The following KMT2C variants were observed in gnomAD, a reference collection of about 807,000 sequenced individuals.
KMT2C encodes the protein lysine methyltransferase 2C.
In KMT2C, 88 loss-of-function variants were observed where a neutral mutation model predicts 507.9. The observed-to-expected ratio is 0.17, with a 90% CI of 0.15 to 0.21. The LOEUF is 0.21. KMT2C is among the 10% of genes least tolerant of loss of function. The pLI is 1.00. For synonymous variants in KMT2C, 2,049 were observed against 2,080.8 expected, an observed-to-expected ratio of 0.98 and a Z score of 0.42; for missense variants, 4,954 against 5,957.8, an observed-to-expected ratio of 0.83 and a Z score of 5.55.
rs774186435 is a variant in KMT2C, at chr7:152,138,865, T to G, written c.14574A>C (p.Glu4858Asp). The G allele has an allele frequency of 2.5e-6, 4 of 1,613,732 alleles. No homozygotes were observed. Among genetic ancestry groups the G allele is most frequent in the South Asian group, 1.1e-5 (1 of 90,920 alleles). The stretch of plus-strand genomic sequence containing the variant: ...TGTGTCCTCTCTCAAAAGTCACCAC[T>G]TCAGCCACACAATTAGGTGCACACG... Reference protein sequence around the residue: ...NHSCAPNCVAEVVTFERGHKI... With the variant: ...NHSCAPNCVADVVTFERGHKI... Residue 4858 changes from glutamate to aspartate, a missense_variant, in exon 58 of 59, where the codon GAA becomes GAC. Around this residue, in one of 29 missense-constraint regions of KMT2C, gnomAD observed 133 missense variants for 258.9 expected, o/e 0.51. Coordinates refer to ENST00000262189, the MANE Select transcript of KMT2C (RefSeq NM_170606.3). This position sits in a 1 kb window ranked among gnomAD's most constrained non-coding sequence, Gnocchi z 4.2.
In KMT2C at chr7:152,294,151, T is replaced by C. The variant is rs534702190; in HGVS notation, c.849+15815A>G. Among the ~76,000 whole-genome samples the C allele has an allele frequency of 2.0e-4, 30 of 152,172 alleles. No homozygotes were observed. The East Asian group carries it at 5.6e-3, about 28-fold the overall frequency. Reference sequence around the variant, plus strand: ...TCCCAAAGTGCTGGGATTACAGGTGTGAGCCACTATGCCCAGCCACATCAA... The same window carrying C: ...TCCCAAAGTGCTGGGATTACAGGTGCGAGCCACTATGCCCAGCCACATCAA... On this transcript the variant is annotated intron_variant, in intron 6 of 58. Coordinates refer to ENST00000262189, the MANE Select transcript of KMT2C (RefSeq NM_170606.3).
intron 23 of KMT2C, among the ~76,000 whole-genome samples, chr7:152,219,163 T>C (rs2094684863): frequency 1.3e-5 from 2 of 151,920 alleles, no homozygotes; most frequent in Admixed American, 1.3e-4. Flanking sequence ...AGAGAATGGG[T>C]TTCACCATGT....
intron 1 of KMT2C, among the ~76,000 whole-genome samples, chr7:152,414,516 G>A (rs74811856): frequency 9.2e-5 from 14 of 151,972 alleles, no homozygotes; most frequent in Admixed American, 7.2e-4. Flanking sequence ...CAACAAGCAC[G>A]AAACTCTGTC....
intron 46 of KMT2C, 38 bp downstream of exon 46, chr7:152,155,872 A>T (rs776278456): frequency 1.9e-6 from 3 of 1,558,962 alleles, no homozygotes; most frequent in Non-Finnish European, 2.6e-6. Context: ...TAAAAGAAGA[A>T]ATAACTAAGA....
chr7:152,165,587 T>C (rs1445827656), intron 42 of KMT2C, among the ~76,000 whole-genome samples: 1 of 152,248 alleles, frequency 6.6e-6, no homozygotes, highest in East Asian at 1.9e-4. Context: ...GGTACATTAT[T>C]GTGGTAGCTG....
chr7:152,215,143 G>A (rs1309328422), intron 23 of KMT2C, among the ~76,000 whole-genome samples: 1 of 151,878 alleles, frequency 6.6e-6, no homozygotes, highest in Non-Finnish European at 1.5e-5. Context: ...GATTTAGCAA[G>A]GAATTCACCT....
chr7:152,137,647 C>A (rs1256442027), intron 58 of KMT2C: 2 of 152,258 alleles, frequency 1.3e-5, no homozygotes, highest in Non-Finnish European at 2.9e-5. Context: ...GGCAATGATT[C>A]CACTGCTTTC....
At position 152,435,979 on chromosome 7, in the gene KMT2C, A is replaced by C; in HGVS notation, c.-193T>G. Reference sequence around the variant, plus strand: ...TGGAGCGAGCAGGACACGCACTCACACACATCGGCGCGGGCGCGCGCACCT... The same window carrying C: ...TGGAGCGAGCAGGACACGCACTCACCCACATCGGCGCGGGCGCGCGCACCT... On this transcript the variant is annotated 5_prime_UTR_variant, in exon 1 of 59. Coordinates refer to ENST00000262189, the MANE Select transcript of KMT2C (RefSeq NM_170606.3). 1 of 341,864 alleles carries C rather than the reference A, an allele frequency of 2.9e-6. No homozygotes were observed. The highest frequency in any genetic ancestry group is 5.0e-6 in the Non-Finnish European group (1 of 198,498). The allele number at this position is 341,864 out of a possible 1,614,324, so 21.2% of individuals were successfully genotyped here. A position where few individuals can be genotyped will look rare whatever the true frequency, so the allele number is the denominator to read the frequency against.
At chr7:152,193,983 T>G in intron 31 of KMT2C, 26 bp downstream of exon 31, 2 of 1,504,536 alleles carry the variant, frequency 1.3e-6, no homozygotes, top group Non-Finnish European at 1.8e-6. Context: ...GTGAATATAA[T>G]GTAGAATTAT....
chr7:152,384,564 C>CACT (rs2097404449), intron 1 of KMT2C, among the ~76,000 whole-genome samples: 15 of 145,320 alleles, frequency 1.0e-4, no homozygotes, highest in African/African-American at 3.6e-4. Context: ...CCACCACCAC[C>CACT]ACCACCACCA....
intron 1 of KMT2C, among the ~76,000 whole-genome samples, chr7:152,371,402 G>T (rs978625759): frequency 6.6e-6 from 1 of 151,960 alleles, no homozygotes; most frequent in Non-Finnish European, 1.5e-5. Context: ...AACCAGAAAA[G>T]AACCAACGCA....
At position 152,138,654 on chromosome 7, in the gene KMT2C, G is replaced by A. The variant is rs531677511; in HGVS notation, c.14643+142C>T. On this transcript the variant is annotated intron_variant, in intron 58 of 58. Transcript: ENST00000262189. The surrounding 1 kb of genome is among the most constrained non-coding windows in gnomAD (Gnocchi z 4.2). ...TGCCTGAAGGGTGAGATACTGCAGGGTGGGAACATCTGGCCTATTATGGAC... is the reference window on the plus strand; with the variant it reads ...TGCCTGAAGGGTGAGATACTGCAGGATGGGAACATCTGGCCTATTATGGAC... The A allele has an allele frequency of 3.4e-6, 2 of 587,776 alleles. No individual in the cohort carries two copies. Among genetic ancestry groups the A allele is most frequent in the Admixed American group, 3.4e-5 (1 of 29,746 alleles). 36.4% of individuals were successfully genotyped at this position (587,776 alleles called of 1,614,324 possible). A position where few individuals can be genotyped will look rare whatever the true frequency, so the allele number is the denominator to read the frequency against.
chr7:152,410,718 C>T (rs1403577305), intron 1 of KMT2C, among the ~76,000 whole-genome samples: 6 of 149,702 alleles, frequency 4.0e-5, no homozygotes, highest in South Asian at 2.1e-4. Flanking sequence ...ACATCTCAGC[C>T]GGGCCCAGTG....
At chr7:152,428,281 T>A (rs1037757699) in intron 1 of KMT2C, among the ~76,000 whole-genome samples, 2 of 151,920 alleles carry the variant, frequency 1.3e-5, no homozygotes, top group African/African-American at 4.8e-5. Flanking sequence ...CCGTTTTAGA[T>A]TCTAATTAAT....
chr7:152,348,870 T>C (rs2097086847), intron 2 of KMT2C, among the ~76,000 whole-genome samples: 2 of 152,132 alleles, frequency 1.3e-5, no homozygotes, highest in South Asian at 4.1e-4. Flanking sequence ...GAATGCAAAA[T>C]GGCACAGCCA....
intron 27 of KMT2C, among the ~76,000 whole-genome samples, chr7:152,197,113 T>C (rs768561684): frequency 2.2e-4 from 33 of 152,086 alleles, no homozygotes; most frequent in Non-Finnish European, 3.8e-4. Flanking sequence ...CTGGTAAGAT[T>C]AGAAAAGGGC....
intron 1 of KMT2C, among the ~76,000 whole-genome samples, chr7:152,363,020 C>A (rs2097209158): frequency 1.3e-5 from 2 of 152,206 alleles, no homozygotes; most frequent in Admixed American, 1.3e-4. Flanking sequence ...TGGCTTCTGC[C>A]ATGTGACTTT....
chr7:152,222,319 G>T (rs2094800429), intron 21 of KMT2C, among the ~76,000 whole-genome samples: 1 of 152,140 alleles, frequency 6.6e-6, no homozygotes, highest in African/African-American at 2.4e-5. Flanking sequence ...ATAACTACAA[G>T]ATCATGTTCC....
chr7:152,201,300 ACAC>A (rs2129134240), intron 26 of KMT2C, among the ~76,000 whole-genome samples: 1 of 138,004 alleles, frequency 7.2e-6, no homozygotes, highest in Non-Finnish European at 1.5e-5. Flanking sequence ...ACAGACACAC[ACAC>A]ACACACACAC....
Sources: allele counts gnomAD v4.1 joint callset (sites outside exome capture counted in the v4.1 genomes callset), GRCh38; gene constraint gnomAD v4.1.1; regional missense constraint gnomAD v4.1.1; non-coding constraint Gnocchi (gnomAD v3.1); transcripts MANE v1.5; gene names NCBI Gene and HGNC (gene_info 2026-07-23, HGNC 2026-07-21).